The following GPALPP1 variants were observed in gnomAD, a reference collection of about 807,000 sequenced individuals.
The protein encoded by GPALPP1 is GPALPP motifs-containing protein 1.
Under a neutral mutation model 38.9 loss-of-function variants are expected in GPALPP1, and 30 were observed. That is an observed-to-expected ratio of 0.77 (90% CI 0.58 to 1.05). The LOEUF (loss-of-function observed/expected upper bound fraction) is 1.05, where lower values mean the gene tolerates loss of function less well. Ranked by LOEUF, GPALPP1 falls within the 50% of genes least tolerant of loss-of-function variation. GPALPP1 has a pLI of 0.00. For missense variants in GPALPP1, 384 were observed against 408.8 expected (o/e 0.94, Z 0.52); for synonymous variants, 120 against 139.2 (o/e 0.86, Z 0.97).
intron 2 of GPALPP1, 112 bp from the exon 3 acceptor site, chr13:45,006,090 T>G (rs1438588642): frequency 1.7e-6 from 1 of 599,734 alleles, no homozygotes. Context: ...ATTAATTTAT[T>G]GTTGCAGTGT....
Position 45,019,026 on chromosome 13 carries a change from AATATATACATAGAAAT to A in GPALPP1, c.706-1298_706-1283del, listed in dbSNP as rs1566081969. 5.8e-4 allele frequency among the ~76,000 whole-genome samples: 11 copies of A among 18,978 alleles called. 1 individual carries two copies. The highest frequency in any genetic ancestry group is 1.8e-3 in the Non-Finnish European group (9 of 5,018). The allele number at this position is 18,978 out of a possible 152,430, so 12.5% of individuals were successfully genotyped here. Reference sequence around the variant, plus strand: ...ACATATAAATATATATACACATATAAATATATACATAGAAATATATAAATATAAATATATACATATA... The same window carrying A: ...ACATATAAATATATATACACATATAAATATAAATATAAATATATACATATA... On this transcript the variant is annotated intron_variant, in intron 6 of 7. Coordinates refer to ENST00000379151, the MANE Select transcript of GPALPP1 (RefSeq NM_018559.5).
Position 45,008,937 on chromosome 13 carries a change from T to G in GPALPP1, c.408+58T>G, listed in dbSNP as rs74496094. The G allele has an allele frequency of 3.3e-3, 3,317 of 1,012,508 alleles. 76 individuals carry two copies. In the African/African-American group the frequency reaches 0.046, roughly 14 times the overall value. 62.7% of individuals were successfully genotyped at this position (1,012,508 alleles called of 1,614,324 possible). A position where few individuals can be genotyped will look rare whatever the true frequency, so the allele number is the denominator to read the frequency against. On this transcript the variant is annotated intron_variant, in intron 4 of 7. Coordinates refer to ENST00000379151, the MANE Select transcript of GPALPP1 (RefSeq NM_018559.5). The stretch of plus-strand genomic sequence containing the variant: ...GAAAGTTTTCATTGAAAGAATAAGA[T>G]GTATTGTAACAAACTCCAAACTTTA...
At chr13:45,004,259 T>G in intron 1 of GPALPP1, 46 bp from the exon 2 acceptor site, 1 of 1,541,938 alleles carries the variant, frequency 6.5e-7, no homozygotes, top group Non-Finnish European at 8.9e-7. Flanking sequence ...GAAGGGTTCA[T>G]TGAAACAGTA....
chr13:45,018,212 A>T (rs1875009918), intron 6 of GPALPP1, among the ~76,000 whole-genome samples: 1 of 152,136 alleles, frequency 6.6e-6, no homozygotes, highest in African/African-American at 2.4e-5. Context: ...CCTGGCTAAC[A>T]TGGTGAAACC....
intron 7 of GPALPP1, among the ~76,000 whole-genome samples, chr13:45,024,465 A>C (rs891218167): frequency 6.6e-6 from 1 of 151,772 alleles, no homozygotes; most frequent in Non-Finnish European, 1.5e-5. Context: ...ATACTAGCTA[A>C]TTTTTGTATT....
chr13:44,989,867 G>T (rs1312513160), intron 1 of GPALPP1, 125 bp downstream of exon 1: 3 of 674,230 alleles, frequency 4.4e-6, no homozygotes, highest in Middle Eastern at 3.9e-4. Flanking sequence ...GGCCTGACCC[G>T]AGAGAACTTT....
chr13:45,015,299 C>A, intron 5 of GPALPP1, 133 bp from the exon 6 acceptor site: 1 of 589,502 alleles, frequency 1.7e-6, no homozygotes, highest in South Asian at 3.3e-5. Flanking sequence ...ACAAAAACAT[C>A]GATCCTTTAT....
intron 6 of GPALPP1, among the ~76,000 whole-genome samples, chr13:45,018,631 T>A (rs1875054640): frequency 1.3e-5 from 2 of 152,034 alleles, no homozygotes; most frequent in South Asian, 4.1e-4. Flanking sequence ...GTTTTTAACT[T>A]ACTTTATTAA....
At position 44,991,225 on chromosome 13, in the gene GPALPP1, GA is replaced by G. The variant is rs1872776068; in HGVS notation, c.88+1484del. On this transcript the variant is annotated intron_variant, in intron 1 of 7. Coordinates refer to ENST00000379151, the MANE Select transcript of GPALPP1 (RefSeq NM_018559.5). ...GCGCTTTGGGAGGCCGAGGCGGGCG[GA>G]TCACGAGGTCGAGAGATCGAGACCA... Among the ~76,000 whole-genome samples the G allele has an allele frequency of 2.0e-5, 3 of 152,088 alleles. No homozygotes were observed. The South Asian group carries it at 6.2e-4, about 32-fold the overall frequency.
Position 45,004,319 on chromosome 13 carries a change from C to G in GPALPP1, c.103C>G (p.Leu35Val), listed in dbSNP as rs866821188. The G allele has an allele frequency of 6.2e-7, 1 of 1,612,390 alleles. No individual in the cohort carries two copies. Among genetic ancestry groups the G allele is most frequent in the Non-Finnish European group, 8.5e-7 (1 of 1,178,674 alleles). ...RDPSPVAGPA[L>V]PPNYKSSSSD... Reference sequence around the variant, plus strand: ...GTGTTCTTTAGTTGCAGGACCAGCTCTGCCCCCTAATTATAAAAGCAGTAG... The same window carrying G: ...GTGTTCTTTAGTTGCAGGACCAGCTGTGCCCCCTAATTATAAAAGCAGTAG... Residue 35 changes from leucine to valine, a missense_variant, in exon 2 of 8, where the codon CTG becomes GTG. Transcript: ENST00000379151.
Position 45,015,450 on chromosome 13 carries a change from G to T in GPALPP1, c.559G>T (p.Val187Leu). 6.3e-7 allele frequency: 1 copy of T among 1,591,300 alleles called. No homozygotes were observed. The highest frequency in any genetic ancestry group is 1.1e-5 in the South Asian group (1 of 87,476). ...CTTAAAGGATTCATCTAAACCCATT[G>T]TAAGAGAGTCATGGATGACTGAACT... ...KGDDDSSKPI[V>L]RESWMTELPP... The change falls in exon 6 of 8, where the codon GTA (valine) becomes TTA (leucine). Residue 187 changes from valine to leucine, a missense_variant. Physicochemically the swap from Val to Leu is conservative, Grantham distance 32. Transcript: ENST00000379151.
At chr13:44,994,267 TAG>T (rs1232198202) in intron 1 of GPALPP1, among the ~76,000 whole-genome samples, 1 of 149,410 alleles carries the variant, frequency 6.7e-6, no homozygotes, top group Non-Finnish European at 1.5e-5. Context: ...AACTTGAATT[TAG>T]AGTCTAATTT....
chr13:45,018,312 G>T (rs1875022432), intron 6 of GPALPP1, among the ~76,000 whole-genome samples: 1 of 151,974 alleles, frequency 6.6e-6, no homozygotes, highest in African/African-American at 2.4e-5. Flanking sequence ...CAGGAGAATG[G>T]CGTGAACCCA....
In GPALPP1 at chr13:44,992,693, C is replaced by A. The variant is rs370814070; in HGVS notation, c.88+2951C>A. Among the ~76,000 whole-genome samples, 7 of 152,270 alleles carry A rather than the reference C, an allele frequency of 4.6e-5. No homozygotes were observed. The East Asian group carries it at 5.8e-4, about 13-fold the overall frequency. ...TTGCCCCTGTAAGGGTATCCTGGCA[C>A]CATTTATTGAACAGACCATCCTTTC... On this transcript the variant is annotated intron_variant, in intron 1 of 7. Coordinates refer to ENST00000379151, the MANE Select transcript of GPALPP1 (RefSeq NM_018559.5).
At chr13:45,020,652 A>AG (rs1347176805) in intron 7 of GPALPP1, among the ~76,000 whole-genome samples, 1 of 151,930 alleles carries the variant, frequency 6.6e-6, no homozygotes, top group African/African-American at 2.4e-5. Context: ...AAAAAAAAAA[A>AG]AAAGGAAGCC....
At chr13:44,995,531 C>G (rs181694701) in intron 1 of GPALPP1, among the ~76,000 whole-genome samples, 8 of 152,272 alleles carry the variant, frequency 5.3e-5, no homozygotes, top group Admixed American at 2.0e-4. Flanking sequence ...TCTAGCCAGT[C>G]TCTTCTTTCC....
downstream of GPALPP1, among the ~76,000 whole-genome samples, chr13:45,032,498 C>T (rs908469358): frequency 6.6e-6 from 1 of 151,636 alleles, no homozygotes; most frequent in African/African-American, 2.4e-5. Context: ...CTCCACCTCC[C>T]GAGTTCAAGC....
rs564217294 is a variant in GPALPP1, at chr13:44,990,448, T to A, written c.88+706T>A. 1.9e-4 allele frequency: 29 copies of A among 153,572 alleles called. No homozygotes were observed. The South Asian group carries it at 3.5e-3, about 19-fold the overall frequency. The allele number at this position is 153,572 out of a possible 1,614,324, so 9.5% of individuals were successfully genotyped here. A position where few individuals can be genotyped will look rare whatever the true frequency, so the allele number is the denominator to read the frequency against. On this transcript the variant is annotated intron_variant, in intron 1 of 7. Transcript: ENST00000379151. The stretch of plus-strand genomic sequence containing the variant: ...CCGAAGCATTGTCATGCCTTTCTTT[T>A]TGCCCTCGGGTTTTTTCCTAATTAC...
chr13:44,991,603 G>C (rs947729327), intron 1 of GPALPP1, among the ~76,000 whole-genome samples: 31 of 152,138 alleles, frequency 2.0e-4, no homozygotes, highest in African/African-American at 7.2e-4. Flanking sequence ...AACCTAAAAC[G>C]GTTGCCAAAA....
Sources: gnomAD v4.1 joint callset for allele counts (sites outside exome capture counted in the v4.1 genomes callset) on GRCh38, gnomAD v4.1.1 for gene constraint, MANE v1.5 for transcripts, NCBI Gene and HGNC (gene_info 2026-07-23, HGNC 2026-07-21) for gene names.